The following CDH13 variants were observed in gnomAD, a reference collection of about 807,000 sequenced individuals.
CDH13 encodes the protein cadherin 13.
A neutral mutation model predicts 63.8 loss-of-function variants in CDH13; 24 were observed. The ratio of observed to expected loss-of-function variants is 0.38; its 90% CI spans 0.27 to 0.53. CDH13 has a LOEUF of 0.53. Among genes scored for constraint, CDH13 ranks in the 20% least tolerant of loss-of-function variants. The probability of loss-of-function intolerance (pLI) is 0.85; values close to 1 mark genes in which losing one functional copy is unlikely to be tolerated. For synonymous variants in CDH13, 503 were observed against 355.3 expected (o/e 1.42, Z -4.67); for missense variants, 1,049 against 903.1 (o/e 1.16, Z -2.07).
In CDH13 at chr16:82,972,838, C is replaced by A. The variant is rs146532863; in HGVS notation, c.158-59172C>A. ...TGAAATCTGTACAAAATATCTGCTG[C>A]AGGTCTCTACCTTTTTACCATTTAA... is the stretch of plus-strand genomic sequence containing the variant. On this transcript the variant is annotated intron_variant, in intron 2 of 13. Transcript: ENST00000567109. Among the ~76,000 whole-genome samples the A allele has an allele frequency of 2.4e-4, 37 of 152,260 alleles. No individual in the cohort carries two copies. The East Asian group carries it at 7.0e-3, about 29-fold the overall frequency.
intron 1 of CDH13, among the ~76,000 whole-genome samples, chr16:82,628,057 A>T (rs1196786673): frequency 6.6e-6 from 1 of 152,194 alleles, no homozygotes; most frequent in Admixed American, 6.5e-5. Flanking sequence ...TCTGCACCTC[A>T]GAGATTTCGG....
intron 6 of CDH13, among the ~76,000 whole-genome samples, chr16:83,470,727 C>T (rs190761174): frequency 6.6e-6 from 1 of 152,344 alleles, no homozygotes; most frequent in East Asian, 1.9e-4. Context: ...AGCTGCACGT[C>T]CTCTGCCTCT....
intron 1 of CDH13, among the ~76,000 whole-genome samples, chr16:82,654,679 C>T (rs1189498287): frequency 2.0e-5 from 3 of 151,714 alleles, no homozygotes; most frequent in Non-Finnish European, 2.9e-5. Flanking sequence ...GGGATGGGGC[C>T]GTGGGCAAAG....
At chr16:83,521,281 G>C (rs1598211602) in intron 7 of CDH13, among the ~76,000 whole-genome samples, 1 of 151,640 alleles carries the variant, frequency 6.6e-6, no homozygotes, top group Non-Finnish European at 1.5e-5. Context: ...TAAAGTAATC[G>C]GCCACCCTGT....
Position 83,180,880 on chromosome 16 carries a change from A to G in CDH13, c.484-36465A>G, listed in dbSNP as rs1398408446. On this transcript the variant is annotated intron_variant, in intron 4 of 13. Transcript: ENST00000567109. ...TTTTTTTTCTTACAGAGAACCCACA[A>G]TCCTATTAACAGCGAACTTCTCTTG... is the stretch of plus-strand genomic sequence containing the variant. 5 of 1,529,564 alleles carry G rather than the reference A, an allele frequency of 3.3e-6. No homozygotes were observed. In the East Asian group the frequency reaches 1.2e-4, roughly 37 times the overall value. 94.7% of individuals were successfully genotyped at this position (1,529,564 alleles called of 1,614,324 possible).
At chr16:83,124,464 G>C (rs4783327) in intron 3 of CDH13, among the ~76,000 whole-genome samples, 134,852 of 152,014 alleles carry the variant, frequency 0.89, 59,859 homozygotes, top group Admixed American at 0.92. Context: ...TATCTGCTTA[G>C]TCTGTTGATT....
intron 1 of CDH13, among the ~76,000 whole-genome samples, chr16:82,723,677 A>G (rs965576370): frequency 2.6e-5 from 4 of 152,222 alleles, no homozygotes; most frequent in African/African-American, 9.6e-5. Context: ...ACTCCACACC[A>G]GATTGCGACA....
At chr16:82,669,729 A>C (rs1913013687) in intron 1 of CDH13, among the ~76,000 whole-genome samples, 1 of 152,224 alleles carries the variant, frequency 6.6e-6, no homozygotes, top group African/African-American at 2.4e-5. Flanking sequence ...AGATCAATTA[A>C]GCATATATAA....
chr16:83,335,043 G>T (rs978177570), intron 5 of CDH13, among the ~76,000 whole-genome samples: 1 of 152,098 alleles, frequency 6.6e-6, no homozygotes, highest in African/African-American at 2.4e-5. Flanking sequence ...AACAAACATT[G>T]TATCCATGGT....
intron 3 of CDH13, among the ~76,000 whole-genome samples, chr16:83,036,206 A>G (rs1290956298): frequency 7.0e-6 from 1 of 143,322 alleles, no homozygotes; most frequent in African/African-American, 2.7e-5. Context: ...CTGGAGTGCA[A>G]TGGTACAATC....
chr16:82,849,971 G>A (rs187626281), intron 1 of CDH13, among the ~76,000 whole-genome samples: 1 of 152,278 alleles, frequency 6.6e-6, no homozygotes, highest in Non-Finnish European at 1.5e-5. Context: ...AATGTACCTG[G>A]ACATCCAAAA....
At chr16:83,177,991 T>C (rs2038195854) in intron 4 of CDH13, among the ~76,000 whole-genome samples, 1 of 152,044 alleles carries the variant, frequency 6.6e-6, no homozygotes, top group African/African-American at 2.4e-5. Context: ...GATGAGTGGG[T>C]AGTAGATGGG....
At chr16:82,858,272 G>A (rs1034303663) in intron 1 of CDH13, 90 bp from the exon 2 acceptor site, 2 of 752,690 alleles carry the variant, frequency 2.7e-6, no homozygotes, top group Admixed American at 2.3e-5. Context: ...CAAAACCTCA[G>A]CTTGTTTCTA....
chr16:83,597,696 C>T (rs1463028289), intron 7 of CDH13, among the ~76,000 whole-genome samples: 3 of 152,168 alleles, frequency 2.0e-5, no homozygotes, highest in Non-Finnish European at 4.4e-5. Context: ...ACAAACTTTG[C>T]AGTTTATCTA....
intron 5 of CDH13, among the ~76,000 whole-genome samples, chr16:83,315,641 TAAA>T (rs11420080): frequency 6.8e-6 from 1 of 147,290 alleles, no homozygotes; most frequent in Admixed American, 6.8e-5. Context: ...ACTCTGGATT[TAAA>T]AAAAAAAAAC....
intron 7 of CDH13, among the ~76,000 whole-genome samples, chr16:83,588,929 G>A (rs548991857): frequency 1.3e-5 from 2 of 152,250 alleles, no homozygotes; most frequent in African/African-American, 2.4e-5. Context: ...GAAACTCAGC[G>A]GTCACCCCCC....
intron 6 of CDH13, among the ~76,000 whole-genome samples, chr16:83,479,918 T>A (rs555226001): frequency 6.2e-4 from 95 of 152,292 alleles, no homozygotes; most frequent in African/African-American, 2.2e-3. Context: ...TCAAGTCGAA[T>A]AAATGTCTGA....
At chr16:83,335,455 G>T (rs749808970) in intron 5 of CDH13, among the ~76,000 whole-genome samples, 4 of 152,120 alleles carry the variant, frequency 2.6e-5, no homozygotes, top group Non-Finnish European at 2.9e-5. Context: ...AGAGATGGCA[G>T]TGTTAAGACT....
At chr16:82,702,256 C>A (rs2031093719) in intron 1 of CDH13, among the ~76,000 whole-genome samples, 1 of 152,162 alleles carries the variant, frequency 6.6e-6, no homozygotes, top group Admixed American at 6.5e-5. Flanking sequence ...CAAAAAGCCT[C>A]CTTAAACTTG....
Sources: allele counts gnomAD v4.1 joint callset (sites outside exome capture counted in the v4.1 genomes callset), GRCh38; gene constraint gnomAD v4.1.1; transcripts MANE v1.5; gene names NCBI Gene and HGNC (gene_info 2026-07-23, HGNC 2026-07-21).